The following BRME1 variants were observed in gnomAD, a reference collection of about 807,000 sequenced individuals.
BRME1 encodes BRCA2 and MEILB2-associating protein 1.
In BRME1, 31 loss-of-function variants were observed where a neutral mutation model predicts 52.6. The ratio of observed to expected loss-of-function variants is 0.59; its 90% CI spans 0.44 to 0.80. BRME1 has a LOEUF of 0.80. Ranked by LOEUF, BRME1 falls within the 30% of genes least tolerant of loss-of-function variation. The pLI is 0.00. For missense variants in BRME1, 804 were observed against 860.3 expected, an observed-to-expected ratio of 0.93 and a Z score of 0.82; for synonymous variants, 359 against 353.6, an observed-to-expected ratio of 1.02 and a Z score of -0.17.
At chr19:13,902,925 CAAAA>C (rs924463865) in intron 2 of BRME1, among the ~76,000 whole-genome samples, 1 of 88,040 alleles carries the variant, frequency 1.1e-5, no homozygotes, top group Non-Finnish European at 2.4e-5. Flanking sequence ...AACTCCGTCT[CAAAA>C]AAAAAAAAAA....
chr19:13,892,256 C>A (rs554823959), intron 5 of BRME1, among the ~76,000 whole-genome samples: 1 of 152,038 alleles, frequency 6.6e-6, no homozygotes, highest in African/African-American at 2.4e-5. Flanking sequence ...CAGAGAACAC[C>A]GGAAATTCAC....
At position 13,883,205 on chromosome 19, in the gene BRME1, C is replaced by G. The variant is rs560959682; in HGVS notation, c.1856+103G>C. 9 of 1,143,932 alleles carry G rather than the reference C, an allele frequency of 7.9e-6. No homozygotes were observed. The African/African-American group carries it at 9.1e-5, about 12-fold the overall frequency. The allele number at this position is 1,143,932 out of a possible 1,614,324, so 70.9% of individuals were successfully genotyped here. On this transcript the variant is annotated intron_variant, in intron 8 of 8. Coordinates refer to ENST00000586783, the MANE Select transcript of BRME1 (RefSeq NM_001345843.2). This position sits in a 1 kb window ranked among gnomAD's most constrained non-coding sequence, Gnocchi z 4.2. The stretch of plus-strand genomic sequence containing the variant: ...CAGCAGCAGTGAGGTGCCTGACCCT[C>G]GCTGCCCACCTAGGGGCTTCACACT...
rs754738780 is a variant in BRME1, at chr19:13,895,488, C to T, written c.90G>A (p.Gly30=). The change falls in exon 3 of 9, where the codon GGG becomes GGA. Residue 30 remains glycine, a synonymous_variant. Transcript: ENST00000586783. The part of the protein sequence containing the change: ...LKNPRLGDFY[G]DPQSSMLGCL... Reference sequence around the variant, plus strand: ...AGCCCAACATGGAACTCTGGGGGTCCCCATAGAAGTCTCCTAGCCTTGGGT... The same window carrying T: ...AGCCCAACATGGAACTCTGGGGGTCTCCATAGAAGTCTCCTAGCCTTGGGT... 6 of 1,613,914 alleles carry T rather than the reference C, an allele frequency of 3.7e-6. No individual in the cohort carries two copies. Among genetic ancestry groups the T allele is most frequent in the African/African-American group, 2.7e-5 (2 of 74,906 alleles).
At chr19:13,886,639 C>T (rs1299555855) in intron 6 of BRME1, among the ~76,000 whole-genome samples, 1 of 151,964 alleles carries the variant, frequency 6.6e-6, no homozygotes. Flanking sequence ...TGTTAAGCTC[C>T]GTTACAGTGG....
intron 7 of BRME1, among the ~76,000 whole-genome samples, 163 bp downstream of exon 7, chr19:13,885,798 A>G (rs1425386218): frequency 6.6e-6 from 1 of 152,192 alleles, no homozygotes; most frequent in African/African-American, 2.4e-5. Flanking sequence ...TTCGGGGAGC[A>G]GGGGAATGTA....
At position 13,892,420 on chromosome 19, in the gene BRME1, T is replaced by C. The variant is rs559637436; in HGVS notation, c.393+366A>G. ...GGCCAACATGGTAAAACCCCGTCTC[T>C]ACTAAAAATACAAAAATTAGCTGGG... On this transcript the variant is annotated intron_variant, in intron 5 of 8. Coordinates refer to ENST00000586783, the MANE Select transcript of BRME1 (RefSeq NM_001345843.2). Among the ~76,000 whole-genome samples the C allele has an allele frequency of 7.9e-4, 120 of 152,084 alleles. 1 individual carries two copies. The highest frequency in any genetic ancestry group is 2.8e-3 in the African/African-American group (117 of 41,488).
In BRME1 at chr19:13,888,081, T is replaced by C. The variant is rs183275927; in HGVS notation, c.1668+1107A>G. Among the ~76,000 whole-genome samples, 1,566 of 152,232 alleles carry C rather than the reference T, an allele frequency of 0.01. 27 individuals are homozygous for C. Among genetic ancestry groups the C allele is most frequent in the African/African-American group, 0.036 (1,494 of 41,536 alleles). On this transcript the variant is annotated intron_variant, in intron 6 of 8. Transcript: ENST00000586783. The surrounding 1 kb of genome is among the most constrained non-coding windows in gnomAD (Gnocchi z 4.1). ...CTGGGATTAGAGGCACACGCCACCA[T>C]GCCCAGCTAATTTTTGTATTTTGGT... is the stretch of plus-strand genomic sequence containing the variant.
intron 2 of BRME1, among the ~76,000 whole-genome samples, chr19:13,901,034 G>A (rs755055165): frequency 2.0e-5 from 3 of 151,856 alleles, no homozygotes; most frequent in Admixed American, 6.6e-5. Context: ...GAGTGCAGGC[G>A]CAATCATAGC....
Position 13,883,283 on chromosome 19 carries a change from C to T in BRME1, c.1856+25G>A. The T allele has an allele frequency of 6.6e-7, 1 of 1,518,794 alleles. No individual in the cohort carries two copies. The highest frequency in any genetic ancestry group is 8.8e-7 in the Non-Finnish European group (1 of 1,132,070). The allele number at this position is 1,518,794 out of a possible 1,614,324, so 94.1% of individuals were successfully genotyped here. ...CCACTGGCCTCCCGCAGACCCTGTGCCGTGAGTCCAAGCCCACCCCGTACT... is the reference window on the plus strand; with the variant it reads ...CCACTGGCCTCCCGCAGACCCTGTGTCGTGAGTCCAAGCCCACCCCGTACT... On this transcript the variant is annotated intron_variant, in intron 8 of 8. Transcript: ENST00000586783. This position sits in a 1 kb window ranked among gnomAD's most constrained non-coding sequence, Gnocchi z 4.2.
intron 2 of BRME1, among the ~76,000 whole-genome samples, chr19:13,898,228 C>T (rs1474781302): frequency 6.6e-6 from 1 of 152,150 alleles, no homozygotes; most frequent in Non-Finnish European, 1.5e-5. Context: ...GGCTGGCACC[C>T]CGTCCAACTC....
chr19:13,892,922 T>C (rs775498462), intron 4 of BRME1, 32 bp from the exon 5 acceptor site: 3 of 1,591,060 alleles, frequency 1.9e-6, no homozygotes, highest in East Asian at 4.5e-5. Flanking sequence ...AAAGCAGCAA[T>C]AAAGATAAGA....
chr19:13,890,900 A>G (rs1480789352), intron 5 of BRME1, among the ~76,000 whole-genome samples: 2 of 152,010 alleles, frequency 1.3e-5, no homozygotes, highest in Admixed American at 1.3e-4. Flanking sequence ...AACTGCACTT[A>G]CTTTTGCACC....
At chr19:13,893,097 A>T in intron 4 of BRME1, 45 bp downstream of exon 4, 3 of 1,534,058 alleles carry the variant, frequency 2.0e-6, no homozygotes, top group Non-Finnish European at 1.8e-6. Flanking sequence ...ACTTTAAGGG[A>T]GGCAGTGGTG....
At chr19:13,896,758 G>C (rs1969932406) in intron 2 of BRME1, among the ~76,000 whole-genome samples, 1 of 151,444 alleles carries the variant, frequency 6.6e-6, no homozygotes, top group Non-Finnish European at 1.5e-5. Context: ...TGGTGCAACT[G>C]TGGATCACTG....
chr19:13,890,703 C>A lies in BRME1; in HGVS notation c.394-241G>T, dbSNP rs34679323. Reference sequence around the variant, plus strand: ...AAAATGGTGAAACCCCATCTCTACTCAACAAATACAAAAATTAGCCAGGCA... The same window carrying A: ...AAAATGGTGAAACCCCATCTCTACTAAACAAATACAAAAATTAGCCAGGCA... On this transcript the variant is annotated intron_variant, in intron 5 of 8. Transcript: ENST00000586783. Among the ~76,000 whole-genome samples the A allele has an allele frequency of 0.37, 56,221 of 151,856 alleles. 14,866 individuals are homozygous for A. The highest frequency in any genetic ancestry group is 0.75 in the African/African-American group (31,249 of 41,406).
intron 2 of BRME1, among the ~76,000 whole-genome samples, 190 bp downstream of exon 2, chr19:13,904,672 C>G (rs1463596612): frequency 6.7e-6 from 1 of 149,950 alleles, no homozygotes; most frequent in Non-Finnish European, 1.5e-5. Context: ...GAACTCCTGA[C>G]CTTGTGATCT....
Position 13,896,476 on chromosome 19 carries a change from T to C in BRME1, c.32-930A>G, listed in dbSNP as rs1969907965. Among the ~76,000 whole-genome samples, 3 of 146,622 alleles carry C rather than the reference T, an allele frequency of 2.0e-5. No individual in the cohort carries two copies. In the South Asian group the frequency reaches 6.3e-4, roughly 31 times the overall value. On this transcript the variant is annotated intron_variant, in intron 2 of 8. Transcript: ENST00000586783. ...TTGTATTATATTATATATTTATATATGATATATATTTATTAAATATATACT... is the reference window on the plus strand; with the variant it reads ...TTGTATTATATTATATATTTATATACGATATATATTTATTAAATATATACT...
Position 13,882,897 on chromosome 19 carries a change from G to T in BRME1, c.1912C>A (p.Arg638=), listed in dbSNP as rs756987539. ...DLEAFKRLNY[R]KTKLGGKAPL... Reference sequence around the variant, plus strand: ...GCTTTGCCTCCCAGCTTTGTCTTCCGGTAGTTAAGGCGCTTGAAAGCTTCC... The same window carrying T: ...GCTTTGCCTCCCAGCTTTGTCTTCCTGTAGTTAAGGCGCTTGAAAGCTTCC... The change falls in exon 9 of 9, where the codon CGG becomes AGG. Residue 638 remains arginine, a synonymous_variant. Transcript: ENST00000586783. The T allele has an allele frequency of 6.2e-7, 1 of 1,614,020 alleles. No homozygotes were observed. Among genetic ancestry groups the T allele is most frequent in the Admixed American group, 1.7e-5 (1 of 59,994 alleles).
At position 13,882,587 on chromosome 19, in the gene BRME1, A is replaced by T. The variant is rs1968708171; in HGVS notation, c.*215T>A. On this transcript the variant is annotated 3_prime_UTR_variant, in exon 9 of 9. Transcript: ENST00000586783. ...AAGTCACTGGGGCTGTGGGAGACACAGTTTCCCTCCCTGAAGCCAAGGGTG... is the reference window on the plus strand; with the variant it reads ...AAGTCACTGGGGCTGTGGGAGACACTGTTTCCCTCCCTGAAGCCAAGGGTG... 8.4e-6 allele frequency: 5 copies of T among 598,678 alleles called. No individual in the cohort carries two copies. The highest frequency in any genetic ancestry group is 1.4e-5 in the Non-Finnish European group (5 of 347,312). 37.1% of individuals were successfully genotyped at this position (598,678 alleles called of 1,614,324 possible).
Sources: allele counts gnomAD v4.1 joint callset (sites outside exome capture counted in the v4.1 genomes callset), GRCh38; gene constraint gnomAD v4.1.1; non-coding constraint Gnocchi (gnomAD v3.1); transcripts MANE v1.5; gene names NCBI Gene and HGNC (gene_info 2026-07-23, HGNC 2026-07-21).